Variants in CEP128 observed in about 807,000 individuals in gnomAD.
CEP128 encodes centrosomal protein 128.
A neutral mutation model predicts 156.7 loss-of-function variants in CEP128; 132 were observed. The observed-to-expected ratio is 0.84, with a 90% CI of 0.73 to 0.97. The LOEUF (loss-of-function observed/expected upper bound fraction) is 0.97, where lower values mean the gene tolerates loss of function less well. CEP128 is among the 50% of genes least tolerant of loss of function. The pLI is 0.00. For missense variants in CEP128, 1,252 were observed against 1,281.9 expected, an observed-to-expected ratio of 0.98 and a Z score of 0.36; for synonymous variants, 469 against 448.9, an observed-to-expected ratio of 1.04 and a Z score of -0.57.
At chr14:80,544,406 T>C (rs2140319437) in intron 21 of CEP128, among the ~76,000 whole-genome samples, 1 of 152,296 alleles carries the variant, frequency 6.6e-6, no homozygotes, top group African/African-American at 2.4e-5. Flanking sequence ...TTGTGTCTGG[T>C]GAGGACCTGC....
At chr14:80,630,179 T>G (rs1035790624) in intron 19 of CEP128, among the ~76,000 whole-genome samples, 25 of 152,010 alleles carry the variant, frequency 1.6e-4, no homozygotes, top group African/African-American at 5.8e-4. Flanking sequence ...AAATCAACTA[T>G]CACTGAAATA....
chr14:80,807,956 G>A (rs1884278656), intron 13 of CEP128, among the ~76,000 whole-genome samples: 2 of 152,286 alleles, frequency 1.3e-5, no homozygotes, highest in Non-Finnish European at 2.9e-5. Flanking sequence ...TAGCACACAG[G>A]AAGTATGTCC....
chr14:80,880,277 C>G (rs1888468784), intron 8 of CEP128, among the ~76,000 whole-genome samples: 1 of 151,832 alleles, frequency 6.6e-6, no homozygotes, highest in Non-Finnish European at 1.5e-5. Flanking sequence ...CGAAGTCCAA[C>G]ATACTTTCTT....
chr14:80,580,549 TG>T, intron 19 of CEP128, 126 bp from the exon 20 acceptor site: 2 of 606,886 alleles, frequency 3.3e-6, no homozygotes, highest in South Asian at 4.7e-5. Flanking sequence ...AATGTTTAAG[TG>T]TGAGAAGCCA....
At chr14:80,784,776 T>G (rs1901307231) in intron 15 of CEP128, 119 bp downstream of exon 15, 3 of 925,796 alleles carry the variant, frequency 3.2e-6, no homozygotes, top group Non-Finnish European at 4.9e-6. Context: ...TATTGTTGGT[T>G]TTATCTTCCC....
At chr14:80,685,473 T>A (rs1430344979) in intron 19 of CEP128, among the ~76,000 whole-genome samples, 2 of 152,138 alleles carry the variant, frequency 1.3e-5, no homozygotes, top group African/African-American at 4.8e-5. Flanking sequence ...AAACATTCCA[T>A]GCTCATGAAT....
intron 8 of CEP128, among the ~76,000 whole-genome samples, chr14:80,871,959 A>C (rs1335359115): frequency 1.3e-5 from 2 of 152,158 alleles, no homozygotes; most frequent in Non-Finnish European, 2.9e-5. Context: ...GGTGCTTCAA[A>C]GTCCACTTAA....
At chr14:80,819,504 C>A (rs766130537) in intron 13 of CEP128, among the ~76,000 whole-genome samples, 11 of 152,078 alleles carry the variant, frequency 7.2e-5, no homozygotes, top group Non-Finnish European at 1.5e-4. Context: ...CCTCGGCCTC[C>A]CAAAGTGCTG....
intron 20 of CEP128, among the ~76,000 whole-genome samples, chr14:80,561,938 G>C (rs903851937): frequency 7.4e-6 from 1 of 135,616 alleles, no homozygotes; most frequent in African/African-American, 2.9e-5. Flanking sequence ...TTTTGTTTTT[G>C]TTTTTTTGGG....
rs1193238726 is a variant in CEP128, at chr14:80,530,862, G to A, written c.2905C>T (p.Leu969=). Reference sequence around the variant, plus strand: ...CTCAGTTTCTCAGGCACAGACTCCAGATGGTCCAAGGCCACTTGGGTACTC... The same window carrying A: ...CTCAGTTTCTCAGGCACAGACTCCAAATGGTCCAAGGCCACTTGGGTACTC... ...ETSTQVALDH[L]ESVPEKLSLL... Residue 969 remains leucine, a synonymous_variant, in exon 22 of 25, where the codon CTG becomes TTG. Transcript: ENST00000555265. 1.5e-5 allele frequency: 24 copies of A among 1,609,146 alleles called. No individual in the cohort carries two copies. Among genetic ancestry groups the A allele is most frequent in the Non-Finnish European group, 1.9e-5 (22 of 1,177,248 alleles).
At chr14:80,663,772 C>G (rs190055988) in intron 19 of CEP128, among the ~76,000 whole-genome samples, 1 of 152,316 alleles carries the variant, frequency 6.6e-6, no homozygotes, top group East Asian at 1.9e-4. Context: ...AGCTAGGAAA[C>G]TGCAGAGCCC....
chr14:80,505,841 A>G (rs986090200), intron 23 of CEP128, among the ~76,000 whole-genome samples: 10 of 151,886 alleles, frequency 6.6e-5, no homozygotes, highest in African/African-American at 2.4e-4. Context: ...TCCTTCTTTC[A>G]CTCATTCATT....
At chr14:80,685,156 C>CT (rs1439948216) in intron 19 of CEP128, among the ~76,000 whole-genome samples, 2 of 152,150 alleles carry the variant, frequency 1.3e-5, no homozygotes, top group African/African-American at 4.8e-5. Flanking sequence ...GAAAGTCAAA[C>CT]TATGTCTCTT....
intron 19 of CEP128, among the ~76,000 whole-genome samples, chr14:80,738,154 G>C (rs1427502217): frequency 6.6e-6 from 1 of 152,186 alleles, no homozygotes; most frequent in Non-Finnish European, 1.5e-5. Flanking sequence ...AGACGAATGA[G>C]TGACTGGATG....
chr14:80,589,537 T>C (rs1891957917), intron 19 of CEP128, among the ~76,000 whole-genome samples: 1 of 152,116 alleles, frequency 6.6e-6, no homozygotes, highest in African/African-American at 2.4e-5. Context: ...GAATGTAACA[T>C]GTCATAAGCT....
chr14:80,551,777 A>G (rs1177231516), intron 21 of CEP128, among the ~76,000 whole-genome samples: 4 of 152,210 alleles, frequency 2.6e-5, no homozygotes, highest in Non-Finnish European at 4.4e-5. Flanking sequence ...TCCCTCCCCA[A>G]TCAACAGTAT....
intron 13 of CEP128, among the ~76,000 whole-genome samples, chr14:80,804,802 T>A (rs1884078447): frequency 6.6e-6 from 1 of 152,164 alleles, no homozygotes; most frequent in African/African-American, 2.4e-5. Context: ...ATGGAGTAGA[T>A]GCTTTAAAAA....
chr14:80,573,740 T>G (rs1379633784), intron 20 of CEP128, among the ~76,000 whole-genome samples: 1 of 152,200 alleles, frequency 6.6e-6, no homozygotes, highest in Admixed American at 6.5e-5. Context: ...CAAGGCAGAC[T>G]GCTAATGCGT....
intron 20 of CEP128, among the ~76,000 whole-genome samples, chr14:80,572,616 C>T (rs974776681): frequency 8.5e-5 from 13 of 152,122 alleles, no homozygotes; most frequent in African/African-American, 3.1e-4. Flanking sequence ...CCCCAAATTA[C>T]AGGGTGCCCA....
Sources: gnomAD v4.1 joint callset for allele counts (sites outside exome capture counted in the v4.1 genomes callset) on GRCh38, gnomAD v4.1.1 for gene constraint, MANE v1.5 for transcripts, NCBI Gene and HGNC (gene_info 2026-07-23, HGNC 2026-07-21) for gene names.